The following RBM47 variants were observed in gnomAD, a reference collection of about 807,000 sequenced individuals.
The protein encoded by RBM47 is RNA-binding protein 47.
In RBM47, 21 loss-of-function variants were observed where a neutral mutation model predicts 47.1. That is an observed-to-expected ratio of 0.45 (90% CI 0.32 to 0.64). The LOEUF (loss-of-function observed/expected upper bound fraction) is 0.64. Among genes scored for constraint, RBM47 ranks in the 30% least tolerant of loss-of-function variants. The pLI, the probability that RBM47 is intolerant of heterozygous loss-of-function variation, is 0.05. For synonymous variants in RBM47, 375 were observed against 361.7 expected (o/e 1.04, Z -0.42); for missense variants, 708 against 870.9 (o/e 0.81, Z 2.35).
At chr4:40,523,995 ATGTT>A (rs1347580275) in intron 2 of RBM47, among the ~76,000 whole-genome samples, 1 of 152,186 alleles carries the variant, frequency 6.6e-6, no homozygotes, top group African/African-American at 2.4e-5. Flanking sequence ...GTTCCATACA[ATGTT>A]TGGGAAATAC....
intron 3 of RBM47, among the ~76,000 whole-genome samples, chr4:40,448,297 TTGAG>T (rs1380443583): frequency 6.7e-6 from 1 of 149,324 alleles, no homozygotes; most frequent in Non-Finnish European, 1.5e-5. Context: ...GTGTGTGTGT[TTGAG>T]TGTGTGTGTG....
chr4:40,437,094 T>TAC (rs1712646664), intron 4 of RBM47, among the ~76,000 whole-genome samples: 1 of 44,110 alleles, frequency 2.3e-5, no homozygotes, highest in African/African-American at 1.2e-4. Context: ...AAAAAAAATA[T>TAC]ATATATATAT....
chr4:40,499,482 T>A (rs1723062641), intron 2 of RBM47, among the ~76,000 whole-genome samples: 1 of 152,220 alleles, frequency 6.6e-6, no homozygotes, highest in African/African-American at 2.4e-5. Context: ...CGCTCTCAGC[T>A]CACTGCAACC....
chr4:40,501,541 G>A (rs1428219529), intron 2 of RBM47, among the ~76,000 whole-genome samples: 1 of 152,204 alleles, frequency 6.6e-6, no homozygotes, highest in Admixed American at 6.5e-5. Flanking sequence ...GTGCCACAAA[G>A]TCCTTGGCAT....
At chr4:40,567,727 A>C (rs1211371547) in intron 1 of RBM47, among the ~76,000 whole-genome samples, 2 of 152,036 alleles carry the variant, frequency 1.3e-5, no homozygotes, top group Non-Finnish European at 1.5e-5. Flanking sequence ...ATCAAGACCA[A>C]GGTTAAGGTA....
chr4:40,466,828 G>A (rs2154233467), intron 2 of RBM47, 129 bp from the exon 3 acceptor site: 1 of 144,522 alleles, frequency 6.9e-6, no homozygotes, highest in African/African-American at 2.5e-5. Context: ...TTAGAAACTG[G>A]GGGGCCATTT....
chr4:40,464,878 A>C (rs1173656257), intron 3 of RBM47, among the ~76,000 whole-genome samples: 1 of 130,332 alleles, frequency 7.7e-6, no homozygotes, highest in African/African-American at 2.8e-5. Flanking sequence ...GCGACAGAGC[A>C]AGACTCTGTC....
At chr4:40,627,203 G>A (rs6826994) in intron 1 of RBM47, among the ~76,000 whole-genome samples, 6,847 of 152,302 alleles carry the variant, frequency 0.045, 200 homozygotes, top group Middle Eastern at 0.095. Context: ...ACGGTGACAA[G>A]CACTTAAAGC....
chr4:40,543,950 T>C (rs1728782661), intron 2 of RBM47: 1 of 145,788 alleles, frequency 6.9e-6, no homozygotes, highest in Non-Finnish European at 1.5e-5. Flanking sequence ...GTGTGAAAAA[T>C]AGAAGGTAGG....
chr4:40,509,109 G>A (rs1468667481), intron 2 of RBM47, among the ~76,000 whole-genome samples: 10 of 151,880 alleles, frequency 6.6e-5, no homozygotes, highest in Non-Finnish European at 1.3e-4. Flanking sequence ...GTAGTGAGCC[G>A]AGATTGTGCC....
In RBM47 at chr4:40,512,876, T is replaced by G. The variant is rs1008806170; in HGVS notation, c.-155+31546A>C. Among the ~76,000 whole-genome samples, 4 of 152,190 alleles carry G rather than the reference T, an allele frequency of 2.6e-5. No individual in the cohort carries two copies. The East Asian group carries it at 7.7e-4, about 29-fold the overall frequency. ...ACTTGATAGACTCAAGCAATCTAAG[T>G]GCACCTGTGTAACAGGCAATTAGAT... On this transcript the variant is annotated intron_variant, in intron 2 of 6. Coordinates refer to ENST00000295971, the MANE Select transcript of RBM47 (RefSeq NM_001098634.2).
chr4:40,505,836 G>C (rs1724028139), intron 2 of RBM47, among the ~76,000 whole-genome samples: 1 of 151,930 alleles, frequency 6.6e-6, no homozygotes, highest in East Asian at 1.9e-4. Context: ...ACGTTGCAGT[G>C]AGCCGAGACC....
At chr4:40,495,631 T>G (rs35145104) in intron 2 of RBM47, among the ~76,000 whole-genome samples, 1 of 151,960 alleles carries the variant, frequency 6.6e-6, no homozygotes, top group African/African-American at 2.4e-5. Flanking sequence ...GTTTAGGTTA[T>G]GACTCGTTCC....
At chr4:40,515,088 T>C (rs1725414074) in intron 2 of RBM47, among the ~76,000 whole-genome samples, 1 of 152,230 alleles carries the variant, frequency 6.6e-6, no homozygotes, top group Admixed American at 6.5e-5. Flanking sequence ...ACTTCCCATT[T>C]TCCATATCCT....
chr4:40,604,297 G>C (rs1329363715), intron 1 of RBM47, among the ~76,000 whole-genome samples: 1 of 152,176 alleles, frequency 6.6e-6, no homozygotes, highest in Non-Finnish European at 1.5e-5. Flanking sequence ...TGGATGGAAA[G>C]GAGGAAAGAC....
intron 3 of RBM47, among the ~76,000 whole-genome samples, chr4:40,445,586 C>T (rs962820577): frequency 1.3e-5 from 2 of 152,194 alleles, no homozygotes; most frequent in Non-Finnish European, 2.9e-5. Flanking sequence ...GTTAAGTGAA[C>T]TCAGTTAACT....
At chr4:40,507,346 TTTC>T (rs1724250455) in intron 2 of RBM47, among the ~76,000 whole-genome samples, 1 of 152,088 alleles carries the variant, frequency 6.6e-6, no homozygotes, top group Admixed American at 6.5e-5. Context: ...TTCACCTAAC[TTTC>T]TTATGATGAT....
At chr4:40,575,327 G>A (rs187788509) in intron 1 of RBM47, among the ~76,000 whole-genome samples, 66 of 152,100 alleles carry the variant, frequency 4.3e-4, no homozygotes, top group Non-Finnish European at 6.9e-4. Context: ...TGATTCAGGC[G>A]GATCACCTGA....
At chr4:40,514,028 C>G (rs149534966) in intron 2 of RBM47, among the ~76,000 whole-genome samples, 2 of 151,832 alleles carry the variant, frequency 1.3e-5, no homozygotes, top group Admixed American at 6.6e-5. Flanking sequence ...CTAACCTGAC[C>G]TTTAATTTGC....
Sources: gnomAD v4.1 joint callset for allele counts (sites outside exome capture counted in the v4.1 genomes callset) on GRCh38, gnomAD v4.1.1 for gene constraint, MANE v1.5 for transcripts, NCBI Gene and HGNC (gene_info 2026-07-23, HGNC 2026-07-21) for gene names.